The following SH3BGRL2 variants were observed in gnomAD, a reference collection of about 807,000 sequenced individuals.
SH3BGRL2 encodes SH3 domain-binding glutamic acid-rich-like protein 2.
A neutral mutation model predicts 14.8 loss-of-function variants in SH3BGRL2; 21 were observed. The observed-to-expected ratio is 1.42, with a 90% CI of 1.01 to 2.05. The LOEUF is 2.05. Ranked by LOEUF, SH3BGRL2 falls within the 30% of genes most tolerant of loss-of-function variation. The probability of loss-of-function intolerance (pLI) is 0.00; values close to 1 mark genes in which losing one functional copy is unlikely to be tolerated. For missense variants in SH3BGRL2, 147 were observed against 130.8 expected, an observed-to-expected ratio of 1.12 and a Z score of -0.61; for synonymous variants, 50 against 47.8, an observed-to-expected ratio of 1.05 and a Z score of -0.19.
chr6:79,562,227 TACAC>T, the SH3BGRL2 span, among the ~76,000 whole-genome samples: 1 of 152,108 alleles, frequency 6.6e-6, no homozygotes, highest in Non-Finnish European at 1.5e-5. Flanking sequence ...ACACCACACA[TACAC>T]ACATATGTAT....
intron 2 of SH3BGRL2, among the ~76,000 whole-genome samples, chr6:79,682,342 C>G (rs1457195896): frequency 1.3e-5 from 2 of 151,930 alleles, no homozygotes; most frequent in African/African-American, 2.4e-5. Flanking sequence ...CTCTCTGTAG[C>G]CCAGGCTGGA....
At chr6:79,584,891 T>C in the SH3BGRL2 span, among the ~76,000 whole-genome samples, 1 of 152,166 alleles carries the variant, frequency 6.6e-6, no homozygotes, top group Non-Finnish European at 1.5e-5. Flanking sequence ...TATAGGATTC[T>C]CTCTTACAGA....
chr6:79,692,882 A>G (rs1770253435), intron 2 of SH3BGRL2, among the ~76,000 whole-genome samples: 2 of 152,122 alleles, frequency 1.3e-5, no homozygotes, highest in South Asian at 4.1e-4. Context: ...AGTTTTTTCC[A>G]ATCCTGTGAA....
chr6:79,693,809 G>A (rs1422254932), intron 2 of SH3BGRL2, among the ~76,000 whole-genome samples: 2 of 152,172 alleles, frequency 1.3e-5, no homozygotes, highest in Non-Finnish European at 2.9e-5. Flanking sequence ...AGAGAATGAT[G>A]GGGTAGAAAT....
the SH3BGRL2 span, among the ~76,000 whole-genome samples, chr6:79,610,385 C>T: frequency 0.32 from 48,230 of 152,034 alleles, 7,962 homozygotes; most frequent in Middle Eastern, 0.47. Flanking sequence ...TTCATGCTTT[C>T]GGCTTGGAAA....
chr6:79,658,017 G>A (rs1245736351), intron 1 of SH3BGRL2, among the ~76,000 whole-genome samples: 6 of 152,130 alleles, frequency 3.9e-5, no homozygotes, highest in South Asian at 2.1e-4. Context: ...ATCCAGCCAC[G>A]GGCAGGGCGG....
At chr6:79,556,570 GT>G in the SH3BGRL2 span, among the ~76,000 whole-genome samples, 1 of 151,960 alleles carries the variant, frequency 6.6e-6, no homozygotes, top group African/African-American at 2.4e-5. Flanking sequence ...GTATAAATTG[GT>G]TTAAGCTTTT....
chr6:79,616,841 T>A, the SH3BGRL2 span, among the ~76,000 whole-genome samples: 10 of 152,086 alleles, frequency 6.6e-5, 1 homozygote, highest in African/African-American at 2.4e-4. Context: ...AAAAAGAAAG[T>A]GCATGGAGTG....
At chr6:79,586,675 C>G in the SH3BGRL2 span, among the ~76,000 whole-genome samples, 1 of 152,160 alleles carries the variant, frequency 6.6e-6, no homozygotes, top group African/African-American at 2.4e-5. Context: ...ACATGAACAG[C>G]CTGGCTATTC....
chr6:79,584,578 G>A, the SH3BGRL2 span, among the ~76,000 whole-genome samples: 3 of 152,112 alleles, frequency 2.0e-5, no homozygotes, highest in Admixed American at 1.3e-4. Context: ...TTTTCTCTTA[G>A]GAGGAGAAAG....
chr6:79,560,673 T>C, the SH3BGRL2 span, among the ~76,000 whole-genome samples: 4 of 152,152 alleles, frequency 2.6e-5, no homozygotes, highest in Non-Finnish European at 5.9e-5. Context: ...AATAAATGTT[T>C]AAAATATTTC....
intron 1 of SH3BGRL2, among the ~76,000 whole-genome samples, chr6:79,661,461 T>C (rs568140317): frequency 7.2e-5 from 11 of 152,376 alleles, no homozygotes; most frequent in Admixed American, 5.9e-4. Context: ...TTCTTAATCC[T>C]GAGTTCTAAT....
the SH3BGRL2 span, chr6:79,561,441 A>G: frequency 3.9e-5 from 6 of 152,146 alleles, no homozygotes; most frequent in East Asian, 1.2e-3. Context: ...GACTATCACA[A>G]TTCTTTCAAT....
At chr6:79,636,517 T>C (rs536102194) in intron 1 of SH3BGRL2, among the ~76,000 whole-genome samples, 3 of 152,074 alleles carry the variant, frequency 2.0e-5, no homozygotes, top group Non-Finnish European at 4.4e-5. Flanking sequence ...GTGGTGGTGA[T>C]GGAAGGTAAG....
intron 1 of SH3BGRL2, among the ~76,000 whole-genome samples, chr6:79,665,012 C>T (rs1769628152): frequency 6.6e-6 from 1 of 152,078 alleles, no homozygotes; most frequent in South Asian, 2.1e-4. Flanking sequence ...CCAGCCTGAC[C>T]AACATGGTGA....
the SH3BGRL2 span, among the ~76,000 whole-genome samples, chr6:79,566,070 G>A: frequency 6.6e-6 from 1 of 152,196 alleles, no homozygotes; most frequent in Admixed American, 6.5e-5. Flanking sequence ...TAGTCTTGGG[G>A]TGAGGAGGAT....
At chr6:79,598,899 A>G in the SH3BGRL2 span, among the ~76,000 whole-genome samples, 1 of 152,108 alleles carries the variant, frequency 6.6e-6, no homozygotes, top group African/African-American at 2.4e-5. Flanking sequence ...CCTGACCAAC[A>G]TGGAGAAACC....
In SH3BGRL2 at chr6:79,693,362, C is replaced by T. The variant is rs1317101766; in HGVS notation, c.232-3123C>T. Among the ~76,000 whole-genome samples, 16 of 151,690 alleles carry T rather than the reference C, an allele frequency of 1.1e-4. No individual in the cohort carries two copies. The East Asian group carries it at 2.9e-3, about 28-fold the overall frequency. On this transcript the variant is annotated intron_variant, in intron 2 of 3. Coordinates refer to ENST00000369838, the MANE Select transcript of SH3BGRL2 (RefSeq NM_031469.4). Reference sequence around the variant, plus strand: ...AATACCCTTTATTTCTTTCTCCTGCCTGATTGCCCTGGCCAGGACTTCCAA... The same window carrying T: ...AATACCCTTTATTTCTTTCTCCTGCTTGATTGCCCTGGCCAGGACTTCCAA...
the SH3BGRL2 span, among the ~76,000 whole-genome samples, chr6:79,588,678 TGAA>T: frequency 2.6e-5 from 4 of 152,216 alleles, no homozygotes; most frequent in African/African-American, 7.2e-5. Flanking sequence ...CATTATTTAA[TGAA>T]GAAAAGAACA....
Sources: gnomAD v4.1 joint callset for allele counts (sites outside exome capture counted in the v4.1 genomes callset) on GRCh38, gnomAD v4.1.1 for gene constraint, MANE v1.5 for transcripts, NCBI Gene and HGNC (gene_info 2026-07-23, HGNC 2026-07-21) for gene names.